Variants in RS1 observed in about 807,000 individuals in gnomAD.
RS1 encodes the protein retinoschisin 1, also known as retinoschisin.
RS1 carries 2 observed loss-of-function variants against 20.8 expected under a neutral mutation model. The observed-to-expected ratio is 0.10, with a 90% CI of 0.04 to 0.30. The LOEUF (loss-of-function observed/expected upper bound fraction) is 0.30, where lower values mean the gene tolerates loss of function less well. RS1 is among the 10% of genes least tolerant of loss of function. The pLI, the probability that RS1 is intolerant of heterozygous loss-of-function variation, is 1.00. For missense variants in RS1, 151 were observed against 189.8 expected (o/e 0.80, Z 1.20); for synonymous variants, 70 against 75.8 (o/e 0.92, Z 0.40).
intron 3 of RS1, among the ~76,000 whole-genome samples, chrX:18,654,406 A>G (rs897629454): frequency 1.8e-5 from 2 of 111,767 alleles, no homozygotes; most frequent in African/African-American, 6.5e-5. Flanking sequence ...GATGAAGCCA[A>G]TCCACATAAA....
At chrX:18,670,956 G>A (rs750773130) in intron 1 of RS1, among the ~76,000 whole-genome samples, 2 of 111,897 alleles carry the variant, frequency 1.8e-5, no homozygotes, top group South Asian at 3.7e-4. Context: ...AGTAACAAAA[G>A]TCATCAGCCT....
intron 1 of RS1, among the ~76,000 whole-genome samples, chrX:18,670,353 G>A (rs913206106): frequency 2.9e-5 from 3 of 104,862 alleles, no homozygotes; most frequent in Admixed American, 1.1e-4. Context: ...AGCCTCCCCC[G>A]AGTAGCTGGG....
At chrX:18,647,108 G>T (rs1569230034) in intron 4 of RS1, 83 bp downstream of exon 4, 2 of 1,067,186 alleles carry the variant, frequency 1.9e-6, no homozygotes, top group Non-Finnish European at 2.6e-6. Flanking sequence ...GTAGAGACGG[G>T]GTTTCACTGT....
intron 3 of RS1, chrX:18,647,767 C>T (rs1270474047): frequency 6.6e-6 from 1 of 150,494 alleles, no homozygotes; most frequent in African/African-American, 3.1e-5. Context: ...CTCTTGTTGT[C>T]CTTGGGCAGC....
At chrX:18,643,166 T>TA (rs1454363504) in intron 5 of RS1, among the ~76,000 whole-genome samples, 1 of 111,221 alleles carries the variant, frequency 9.0e-6, no homozygotes, top group African/African-American at 3.3e-5. Context: ...AAACATGCTG[T>TA]GGGTGTTTGA....
In RS1 at chrX:18,640,454, A is replaced by G. The variant is rs1191180572; in HGVS notation, c.*1550T>C. 2 of 13,453 alleles carry G rather than the reference A, an allele frequency of 1.5e-4. No homozygotes were observed. Among genetic ancestry groups the G allele is most frequent in the Non-Finnish European group, 3.2e-4 (2 of 6,194 alleles). 1.1% of individuals were successfully genotyped at this position (13,453 alleles called of 1,213,427 possible). A position where few individuals can be genotyped will look rare whatever the true frequency, so the allele number is the denominator to read the frequency against. ...CCCCCACCCCCCCCCCCCACCCCCAACACCCTGTGTGATGTGTTTATATTT... is the reference window on the plus strand; with the variant it reads ...CCCCCACCCCCCCCCCCCACCCCCAGCACCCTGTGTGATGTGTTTATATTT... On this transcript the variant is annotated 3_prime_UTR_variant, in exon 6 of 6. Coordinates refer to ENST00000379984, the MANE Select transcript of RS1 (RefSeq NM_000330.4).
chrX:18,650,436 A>G, intron 3 of RS1: 1 of 1,211,641 alleles, frequency 8.3e-7, no homozygotes, highest in Non-Finnish European at 1.1e-6. Flanking sequence ...TGGTGACCCA[A>G]AGAAGCCTCA....
At chrX:18,656,567 G>A (rs1928217943) in intron 3 of RS1, 86 bp downstream of exon 3, 1 of 697,728 alleles carries the variant, frequency 1.4e-6, no homozygotes, top group Admixed American at 2.2e-5. Context: ...GTAGCGTTCA[G>A]GGGGTTAATT....
At chrX:18,669,715 G>A (rs1433723528) in intron 1 of RS1, among the ~76,000 whole-genome samples, 3 of 111,040 alleles carry the variant, frequency 2.7e-5, no homozygotes, top group Non-Finnish European at 5.7e-5. Flanking sequence ...CATGTCTATG[G>A]GCCTTATGCA....
chrX:18,651,248 TGTGTGTGTGTGTGTGTGA>T (rs1387339675), intron 3 of RS1, among the ~76,000 whole-genome samples: 10 of 98,011 alleles, frequency 1.0e-4, no homozygotes. Flanking sequence ...TGTGTGTGTG[TGTGTGTGTGTGTGTGTGA>T]GAGAGAGAGA....
chrX:18,665,883 CAAAAAAA>C (rs55857132), intron 1 of RS1, among the ~76,000 whole-genome samples: 12 of 34,881 alleles, frequency 3.4e-4, no homozygotes, highest in Admixed American at 1.8e-3. Context: ...GACCCTGTCT[CAAAAAAA>C]AAAAAAAAAA....
rs2071829 is a variant in RS1 at position 18,651,113 on chromosome X, C to T, written c.185-3781G>A. On this transcript the variant is annotated intron_variant, in intron 3 of 5. Transcript: ENST00000379984. ...CCTACTCTGTTCTGTCCCCATTACC[C>T]TCCCCGTCCCCCCACCACCGCACCC... 6.1e-3 allele frequency among the ~76,000 whole-genome samples: 644 copies of T among 106,362 alleles called. 50 individuals carry two copies. The East Asian group carries it at 0.14, about 24-fold the overall frequency. The allele number at this position is 106,362 out of a possible 115,157, so 92.4% of individuals were successfully genotyped here.
rs281865356 is a variant in RS1 at position 18,642,083 on chromosome X, A to G, written c.596T>C (p.Ile199Thr). The G allele has an allele frequency of 8.3e-7, 1 of 1,211,669 alleles. No individual in the cohort carries two copies. Among genetic ancestry groups the G allele is most frequent in the Non-Finnish European group, 1.1e-6 (1 of 895,405 alleles). ...GTGCCAGCCCAGCGGGATGAGGCGG[A>G]TGAAGCGGGAGATGATGGGGGGCCG... The part of the protein sequence containing the change: ...LLRPPIISRF[I>T]RLIPLGWHVR... Residue 199 changes from isoleucine (I) to threonine (T), a missense_variant, in exon 6 of 6, where the codon ATC becomes ACC. Ile to Thr is a moderately conservative substitution (Grantham distance 89). Coordinates refer to ENST00000379984, the MANE Select transcript of RS1 (RefSeq NM_000330.4).
chrX:18,657,936 C>T (rs1928247072), intron 1 of RS1, among the ~76,000 whole-genome samples: 1 of 111,256 alleles, frequency 9.0e-6, no homozygotes, highest in Non-Finnish European at 1.9e-5. Context: ...TTTGGGAGGC[C>T]GAGGCGGGCC....
chrX:18,659,810 G>C lies in RS1; in HGVS notation c.53-2145C>G, dbSNP rs141225874. 9.3e-3 allele frequency among the ~76,000 whole-genome samples: 1,037 copies of C among 111,280 alleles called. 14 individuals are homozygous for C. Among genetic ancestry groups the C allele is most frequent in the African/African-American group, 0.032 (990 of 30,543 alleles). ...CCCTTGACCCTTTCTCTCCTGAAAT[G>C]GGCCATCGAATTCCTTTCACCTCTT... On this transcript the variant is annotated intron_variant, in intron 1 of 5. Coordinates refer to ENST00000379984, the MANE Select transcript of RS1 (RefSeq NM_000330.4).
intron 3 of RS1, among the ~76,000 whole-genome samples, chrX:18,649,401 C>G (rs1350249539): frequency 9.0e-6 from 1 of 111,449 alleles, no homozygotes; most frequent in Non-Finnish European, 1.9e-5. Flanking sequence ...TAAGGCAAAT[C>G]ATAGTATTTT....
chrX:18,660,916 G>A (rs1602321598), intron 1 of RS1, among the ~76,000 whole-genome samples: 1 of 111,513 alleles, frequency 9.0e-6, no homozygotes, highest in Non-Finnish European at 1.9e-5. Context: ...GGAGTGAAGC[G>A]CACATGTCTC....
At chrX:18,649,024 G>C (rs1311029802) in intron 3 of RS1, among the ~76,000 whole-genome samples, 1 of 103,798 alleles carries the variant, frequency 9.6e-6, no homozygotes, top group African/African-American at 3.6e-5. Context: ...TTCCAGCCTG[G>C]GTGATAGACA....
intron 1 of RS1, among the ~76,000 whole-genome samples, chrX:18,664,033 A>G (rs1189647814): frequency 1.8e-5 from 2 of 111,695 alleles, no homozygotes; most frequent in Non-Finnish European, 3.8e-5. Context: ...TATGCGCCCT[A>G]TGACCCAGCA....
Sources: gnomAD v4.1 joint callset for allele counts (sites outside exome capture counted in the v4.1 genomes callset) on GRCh38, gnomAD v4.1.1 for gene constraint, MANE v1.5 for transcripts, NCBI Gene and HGNC (gene_info 2026-07-23, HGNC 2026-07-21) for gene names.